EFHC2: variants seen among roughly 807,000 people sequenced by gnomAD.
EFHC2 encodes the protein EF-hand domain containing 2.
In EFHC2, 18 loss-of-function variants were observed where a neutral mutation model predicts 52.7. The observed-to-expected ratio is 0.34, with a 90% CI of 0.24 to 0.51. The LOEUF (loss-of-function observed/expected upper bound fraction) is 0.51. EFHC2 is among the 20% of genes least tolerant of loss of function. The pLI is 0.97. For missense variants in EFHC2, 513 were observed against 562.5 expected (o/e 0.91, Z 0.89); for synonymous variants, 203 against 204.1 (o/e 0.99, Z 0.04).
At position 44,325,508 on chromosome X, in the gene EFHC2, C is replaced by A. The variant is rs182990229; in HGVS notation, c.43-12752G>T. ...ATCAAATTCAAAGCTACAATCAGCACCCCTTCCTCGTTGCTAAAAATTGGA... is the reference window on the plus strand; with the variant it reads ...ATCAAATTCAAAGCTACAATCAGCAACCCTTCCTCGTTGCTAAAAATTGGA... On this transcript the variant is annotated intron_variant, in intron 1 of 14. Transcript: ENST00000420999. 3.6e-5 allele frequency among the ~76,000 whole-genome samples: 4 copies of A among 110,636 alleles called. No individual in the cohort carries two copies. The East Asian group carries it at 1.1e-3, about 31-fold the overall frequency.
At chrX:44,333,354 G>C (rs1265182401) in intron 1 of EFHC2, among the ~76,000 whole-genome samples, 1 of 111,034 alleles carries the variant, frequency 9.0e-6, no homozygotes, top group African/African-American at 3.3e-5. Context: ...ATGGGAAGAG[G>C]AAGAGGCATG....
intron 11 of EFHC2, among the ~76,000 whole-genome samples, chrX:44,226,911 AAAG>A (rs749898813): frequency 6.4e-5 from 7 of 108,988 alleles, no homozygotes; most frequent in Non-Finnish European, 1.1e-4. Context: ...AGAAAAAGAA[AAAG>A]AAGAAGGAAG....
At chrX:44,286,736 G>A (rs1207232365) in intron 2 of EFHC2, among the ~76,000 whole-genome samples, 2 of 110,677 alleles carry the variant, frequency 1.8e-5, no homozygotes, top group Admixed American at 1.9e-4. Flanking sequence ...AAAATCGGCC[G>A]GGCATGGTGG....
chrX:44,168,644 A>C (rs1041327244), intron 13 of EFHC2, among the ~76,000 whole-genome samples: 1 of 111,766 alleles, frequency 8.9e-6, no homozygotes, highest in Non-Finnish European at 1.9e-5. Context: ...AAATTCAATG[A>C]AAGAAGCTCC....
At chrX:44,265,272 A>T (rs971429723) in intron 3 of EFHC2, among the ~76,000 whole-genome samples, 5 of 110,311 alleles carry the variant, frequency 4.5e-5, no homozygotes, top group Non-Finnish European at 7.6e-5. Context: ...TTTATTTTTT[A>T]TTTATTTATT....
intron 1 of EFHC2, among the ~76,000 whole-genome samples, chrX:44,325,012 C>T (rs1398961285): frequency 8.9e-6 from 1 of 112,233 alleles, no homozygotes; most frequent in African/African-American, 3.2e-5. Flanking sequence ...AACAACAAAA[C>T]ACACACACTT....
intron 12 of EFHC2, among the ~76,000 whole-genome samples, chrX:44,177,775 G>A (rs1197339980): frequency 9.0e-6 from 1 of 110,662 alleles, no homozygotes; most frequent in African/African-American, 3.3e-5. Context: ...CTAAAATAAT[G>A]TAAAAAGACG....
At chrX:44,180,459 G>A (rs750844553) in intron 11 of EFHC2, among the ~76,000 whole-genome samples, 1 of 111,866 alleles carries the variant, frequency 8.9e-6, no homozygotes, top group African/African-American at 3.3e-5. Flanking sequence ...ATTATGTTTG[G>A]GGCCAGGCGT....
At chrX:44,275,531 A>G (rs950269612) in intron 2 of EFHC2, among the ~76,000 whole-genome samples, 12 of 110,595 alleles carry the variant, frequency 1.1e-4, no homozygotes, top group African/African-American at 3.9e-4. Context: ...AGAACCTAAA[A>G]TAAAAACTGT....
intron 2 of EFHC2, among the ~76,000 whole-genome samples, chrX:44,294,514 G>C (rs1247312389): frequency 9.0e-6 from 1 of 110,649 alleles, no homozygotes; most frequent in Non-Finnish European, 1.9e-5. Flanking sequence ...GATTTTAATG[G>C]GATTTTAATG....
At chrX:44,309,792 A>G (rs777696683) in intron 2 of EFHC2, 1 of 1,031,364 alleles carries the variant, frequency 9.7e-7, no homozygotes, top group South Asian at 1.9e-5. Context: ...CTTCTACTGC[A>G]GCAAAGGCTA....
At chrX:44,154,648 G>A (rs1366470397) in intron 14 of EFHC2, among the ~76,000 whole-genome samples, 5 of 110,302 alleles carry the variant, frequency 4.5e-5, no homozygotes, top group Admixed American at 2.9e-4. Context: ...AGGCTGCAGT[G>A]AGCCATGATC....
chrX:44,335,237 A>C, intron 1 of EFHC2, among the ~76,000 whole-genome samples: 1 of 110,333 alleles, frequency 9.1e-6, no homozygotes, highest in East Asian at 2.8e-4. Context: ...AGGAAGAGAA[A>C]GAGGATAACC....
intron 2 of EFHC2, among the ~76,000 whole-genome samples, chrX:44,273,656 C>T (rs2037633742): frequency 9.0e-6 from 1 of 111,191 alleles, no homozygotes; most frequent in Non-Finnish European, 1.9e-5. Flanking sequence ...ATATCTTTAG[C>T]CATTGGAAAC....
rs1478457707 is a variant in EFHC2 at position 44,148,215 on chromosome X, G to A, written c.*580C>T. The A allele has an allele frequency of 1.1e-5, 1 of 92,025 alleles. No homozygotes were observed. Among genetic ancestry groups the A allele is most frequent in the African/African-American group, 4.0e-5 (1 of 24,863 alleles). 7.6% of individuals were successfully genotyped at this position (92,025 alleles called of 1,213,427 possible). ...AATATAAATACTGCATATGTTTCCAGTGTGTGTGCACGTGCGTGTGTGTGT... is the reference window on the plus strand; with the variant it reads ...AATATAAATACTGCATATGTTTCCAATGTGTGTGCACGTGCGTGTGTGTGT... On this transcript the variant is annotated 3_prime_UTR_variant, in exon 15 of 15. Coordinates refer to ENST00000420999, the MANE Select transcript of EFHC2 (RefSeq NM_025184.4).
At chrX:44,212,209 C>T (rs2037104030) in intron 11 of EFHC2, among the ~76,000 whole-genome samples, 1 of 111,004 alleles carries the variant, frequency 9.0e-6, no homozygotes, top group African/African-American at 3.3e-5. Context: ...TGTAACAAGA[C>T]CCCACTTCTA....
intron 1 of EFHC2, among the ~76,000 whole-genome samples, chrX:44,339,299 G>A (rs1365728702): frequency 2.7e-5 from 3 of 111,604 alleles, no homozygotes; most frequent in African/African-American, 9.8e-5. Flanking sequence ...AGGATTTTTG[G>A]CTTTGGCTGG....
Position 44,148,175 on chromosome X carries a change from A to G in EFHC2, c.*620T>C, listed in dbSNP as rs776176854. The G allele has an allele frequency of 9.0e-6, 1 of 111,090 alleles. No individual in the cohort carries two copies. Among genetic ancestry groups the G allele is most frequent in the East Asian group, 2.8e-4 (1 of 3,557 alleles). 9.2% of individuals were successfully genotyped at this position (111,090 alleles called of 1,213,427 possible). A position where few individuals can be genotyped will look rare whatever the true frequency, so the allele number is the denominator to read the frequency against. On this transcript the variant is annotated 3_prime_UTR_variant, in exon 15 of 15. Coordinates refer to ENST00000420999, the MANE Select transcript of EFHC2 (RefSeq NM_025184.4). ...AGCTAACAAGCTGACTTTAGATAGA[A>G]AAAAGGGCATTACAAATATAAATAC...
chrX:44,297,572 T>C (rs769732980), intron 2 of EFHC2, among the ~76,000 whole-genome samples: 2 of 107,900 alleles, frequency 1.9e-5, no homozygotes, highest in South Asian at 8.2e-4. Context: ...AAAAAAAATA[T>C]ATAAAAATTA....
Sources: gnomAD v4.1 joint callset for allele counts (sites outside exome capture counted in the v4.1 genomes callset) on GRCh38, gnomAD v4.1.1 for gene constraint, MANE v1.5 for transcripts, NCBI Gene and HGNC (gene_info 2026-07-23, HGNC 2026-07-21) for gene names.